TOP1MT: variants seen among roughly 807,000 people sequenced by gnomAD.
TOP1MT encodes the protein DNA topoisomerase I, mitochondrial.
In TOP1MT, 80 loss-of-function variants were observed where a neutral mutation model predicts 73.9. The observed-to-expected ratio is 1.08, with a 90% CI of 0.90 to 1.30. The LOEUF is 1.30. Ranked by LOEUF, TOP1MT falls within the 50% of genes most tolerant of loss-of-function variation. The pLI is 0.00. For synonymous variants in TOP1MT, 338 were observed against 326.4 expected, an observed-to-expected ratio of 1.04 and a Z score of -0.38; for missense variants, 815 against 808.0, an observed-to-expected ratio of 1.01 and a Z score of -0.10.
At chr8:143,319,482 G>C (rs994481996) in intron 8 of TOP1MT, among the ~76,000 whole-genome samples, 1 of 151,906 alleles carries the variant, frequency 6.6e-6, no homozygotes, top group Non-Finnish European at 1.5e-5. Flanking sequence ...TGCTTTTGAG[G>C]TGCAGGGAGT....
upstream of TOP1MT, among the ~76,000 whole-genome samples, chr8:143,337,598 CA>C (rs1296829941): frequency 6.6e-6 from 1 of 152,120 alleles, no homozygotes; most frequent in Non-Finnish European, 1.5e-5. Flanking sequence ...TTGCTGATTT[CA>C]AAACTTCAAA....
chr8:143,348,355 G>A (rs1455414881), upstream of TOP1MT, among the ~76,000 whole-genome samples: 3 of 152,156 alleles, frequency 2.0e-5, no homozygotes, highest in African/African-American at 2.4e-5. This position sits in a 1 kb window ranked among gnomAD's most constrained non-coding sequence, Gnocchi z 4.6. Context: ...ACCCAGTCAC[G>A]GCTTTGAAAG....
At chr8:143,347,275 C>T (rs1243711457), upstream of TOP1MT, among the ~76,000 whole-genome samples, 2 of 152,220 alleles carry the variant, frequency 1.3e-5, no homozygotes, top group African/African-American at 2.4e-5. Flanking sequence ...CTGCCTCAGC[C>T]TCCCAAGTAG....
At chr8:143,338,812 G>A (rs1817025535), upstream of TOP1MT, among the ~76,000 whole-genome samples, 1 of 152,172 alleles carries the variant, frequency 6.6e-6, no homozygotes, top group Non-Finnish European at 1.5e-5. Context: ...TGGGGAGTCT[G>A]GGCCTGCAGA....
upstream of TOP1MT, chr8:143,334,919 C>T: frequency 7.7e-7 from 1 of 1,303,604 alleles, no homozygotes; most frequent in Non-Finnish European, 9.7e-7. Flanking sequence ...CCAGCCCCGC[C>T]CCGCCCCCAG....
Position 143,315,722 on chromosome 8 carries a change from C to T in TOP1MT, c.1553+5G>A. On this transcript the variant is annotated splice_donor_5th_base_variant and intron_variant, in intron 12 of 13. Transcript: ENST00000329245. Reference sequence around the variant, plus strand: ...GAGAAGGCGTCTGAGGGCACGGGTACTCACCTCCTGGACTTGCCATCCCCT... The same window carrying T: ...GAGAAGGCGTCTGAGGGCACGGGTATTCACCTCCTGGACTTGCCATCCCCT... The T allele has an allele frequency of 6.2e-7, 1 of 1,613,404 alleles. No individual in the cohort carries two copies. Among genetic ancestry groups the T allele is most frequent in the Non-Finnish European group, 8.5e-7 (1 of 1,179,502 alleles).
intron 3 of TOP1MT, 88 bp from the exon 4 acceptor site, chr8:143,326,432 C>A: frequency 6.4e-7 from 1 of 1,569,810 alleles, no homozygotes; most frequent in Non-Finnish European, 8.7e-7. Context: ...CAGAAACGCG[C>A]TCTCGCCATG....
intron 7 of TOP1MT, among the ~76,000 whole-genome samples, chr8:143,323,211 C>CACGCCA (rs1816574095): frequency 1.0e-5 from 1 of 99,386 alleles, no homozygotes; most frequent in Non-Finnish European, 2.0e-5. Flanking sequence ...CACAGGCACG[C>CACGCCA]CACACAGGCA....
chr8:143,323,527 C>T (rs1473423529), intron 7 of TOP1MT, among the ~76,000 whole-genome samples: 1 of 134,354 alleles, frequency 7.4e-6, no homozygotes, highest in African/African-American at 2.9e-5. Flanking sequence ...CACACATGCA[C>T]GCCACACACA....
chr8:143,317,203 T>C lies in TOP1MT; in HGVS notation c.1330+520A>G, dbSNP rs187283071. Among the ~76,000 whole-genome samples, 43 of 152,222 alleles carry C rather than the reference T, an allele frequency of 2.8e-4. No individual in the cohort carries two copies. The East Asian group carries it at 8.3e-3, about 29-fold the overall frequency. On this transcript the variant is annotated intron_variant, in intron 10 of 13. Coordinates refer to ENST00000329245, the MANE Select transcript of TOP1MT (RefSeq NM_052963.3). ...CGGACATCACAGAGCAGCCCGGACATCACGGAGCAGGGGCAGCGCCAGGGA... is the reference window on the plus strand; with the variant it reads ...CGGACATCACAGAGCAGCCCGGACACCACGGAGCAGGGGCAGCGCCAGGGA...
In TOP1MT at chr8:143,318,020, T is replaced by C. The variant is rs746837410; in HGVS notation, c.1213A>G (p.Thr405Ala). The change falls in exon 9 of 14, where the codon ACC (threonine) becomes GCC (alanine). Residue 405 changes from threonine (T) to alanine (A), a missense_variant and splice_region_variant. Physicochemically the swap from Thr to Ala is moderately conservative, Grantham distance 58. Coordinates refer to ENST00000329245, the MANE Select transcript of TOP1MT (RefSeq NM_052963.3). ...TGAGGAAACACGAGCCGGCTTACGG[T>C]CAGCCTGTCGAAGAGGTCGTCCCGG... ...DPRDDLFDRL[T>A]TTSLNKHLQE... 2 of 1,614,120 alleles carry C rather than the reference T, an allele frequency of 1.2e-6. No individual in the cohort carries two copies. Among genetic ancestry groups the C allele is most frequent in the Non-Finnish European group, 1.7e-6 (2 of 1,180,002 alleles).
chr8:143,346,479 C>A (rs1268668718), upstream of TOP1MT, among the ~76,000 whole-genome samples: 1 of 152,104 alleles, frequency 6.6e-6, no homozygotes, highest in East Asian at 1.9e-4. Context: ...CAAAGCAGCA[C>A]AAGAGAATAA....
intron 8 of TOP1MT, among the ~76,000 whole-genome samples, chr8:143,320,377 G>A (rs1346418198): frequency 1.3e-5 from 2 of 152,018 alleles, no homozygotes; most frequent in African/African-American, 2.4e-5. Context: ...TGATCCACCC[G>A]CCTTGGCCTC....
chr8:143,345,971 A>T (rs1316570851), upstream of TOP1MT, among the ~76,000 whole-genome samples: 1 of 152,176 alleles, frequency 6.6e-6, no homozygotes, highest in Non-Finnish European at 1.5e-5. Context: ...GTGATGGTCG[A>T]GTGTGTGTGG....
chr8:143,310,386 C>T, intron 12 of TOP1MT, 169 bp from the exon 13 acceptor site: 1 of 543,072 alleles, frequency 1.8e-6, no homozygotes. Context: ...GGTGGAAGCT[C>T]AGCCCCACCC....
chr8:143,335,887 C>A (rs1816974153), upstream of TOP1MT, among the ~76,000 whole-genome samples: 1 of 152,236 alleles, frequency 6.6e-6, no homozygotes, highest in East Asian at 1.9e-4. Flanking sequence ...AGGCCGAGGG[C>A]TGCAATTGCT....
chr8:143,342,571 GCT>G (rs1299023872), intron 2 of TOP1MT, among the ~76,000 whole-genome samples: 3 of 113,404 alleles, frequency 2.6e-5, no homozygotes, highest in East Asian at 2.6e-4. Context: ...ACAGAGTCTC[GCT>G]CTGTTATTAT....
In TOP1MT at chr8:143,334,798, G is replaced by A. The variant is rs776019338; in HGVS notation, c.64C>T (p.Arg22Cys). ...ALTLLGEVPR[R>C]PASRGVPGSR... ...CCCGGGACACCCCGGGAGGCCGGGC[G>A]GCGGGGGACCTCCCCGAGCAGCGTC... is the stretch of plus-strand genomic sequence containing the variant. Residue 22 changes from arginine to cysteine, a missense_variant, in exon 1 of 14, where the codon CGC (arginine) becomes TGC (cysteine). Around this residue, in one of 3 missense-constraint regions of TOP1MT, gnomAD observed 60 missense variants for 65.9 expected, o/e 0.91. Coordinates refer to ENST00000329245, the MANE Select transcript of TOP1MT (RefSeq NM_052963.3). 3.2e-5 allele frequency: 51 copies of A among 1,582,426 alleles called. No homozygotes were observed. Among genetic ancestry groups the A allele is most frequent in the South Asian group, 2.9e-4 (26 of 89,462 alleles).
In TOP1MT at chr8:143,316,070, C is replaced by T. The variant is rs889576158; in HGVS notation, c.1387G>A (p.Ala463Thr). The T allele has an allele frequency of 1.2e-6, 2 of 1,614,176 alleles. No individual in the cohort carries two copies. Among genetic ancestry groups the T allele is most frequent in the Non-Finnish European group, 1.7e-6 (2 of 1,179,996 alleles). Residue 463 changes from alanine (A) to threonine (T), a missense_variant, in exon 11 of 14, where the codon GCC becomes ACC. This residue lies in a region of TOP1MT where 751 missense variants were observed against 725.4 expected (regional missense o/e 1.04). Coordinates refer to ENST00000329245, the MANE Select transcript of TOP1MT (RefSeq NM_052963.3). ...LSYNRANRVV[A>T]ILCNHQRATP... ...GCTCGCTGATGGTTGCAGAGAATGG[C>T]CACGACTCGGTTGGCTCGGTTGTAG...
Sources: allele counts gnomAD v4.1 joint callset (sites outside exome capture counted in the v4.1 genomes callset), GRCh38; gene constraint gnomAD v4.1.1; regional missense constraint gnomAD v4.1.1; non-coding constraint Gnocchi (gnomAD v3.1); transcripts MANE v1.5; gene names NCBI Gene and HGNC (gene_info 2026-07-23, HGNC 2026-07-21).